CDK5RAP1: variants seen among roughly 807,000 people sequenced by gnomAD.
CDK5RAP1 encodes the protein mitochondrial tRNA methylthiotransferase CDK5RAP1.
A neutral mutation model predicts 64.5 loss-of-function variants in CDK5RAP1; 62 were observed. That is an observed-to-expected ratio of 0.96 (90% CI 0.78 to 1.19). CDK5RAP1 has a LOEUF of 1.19. CDK5RAP1 is among the 50% of genes most tolerant of loss of function. The probability of loss-of-function intolerance (pLI) is 0.00; values close to 1 mark genes in which losing one functional copy is unlikely to be tolerated. For missense variants in CDK5RAP1, 657 were observed against 735.0 expected, an observed-to-expected ratio of 0.89 and a Z score of 1.23; for synonymous variants, 250 against 261.9, an observed-to-expected ratio of 0.95 and a Z score of 0.44.
intron 11 of CDK5RAP1, among the ~76,000 whole-genome samples, chr20:33,369,540 T>G (rs1447297961): frequency 1.3e-5 from 2 of 151,784 alleles, no homozygotes; most frequent in African/African-American, 4.8e-5. Flanking sequence ...AAGCTTCATC[T>G]CTCCAAAACA....
chr20:33,394,330 T>G (rs1988671299), intron 3 of CDK5RAP1, among the ~76,000 whole-genome samples: 1 of 151,952 alleles, frequency 6.6e-6, no homozygotes, highest in East Asian at 1.9e-4. Flanking sequence ...TTTTGTATTT[T>G]TAGTAGAGAT....
rs79540948 is a variant in CDK5RAP1 at position 33,399,245 on chromosome 20, T to G, written c.-20-2161A>C. On this transcript the variant is annotated intron_variant, in intron 1 of 13. Transcript: ENST00000346416. ...ACTGGACCCCACATCTATGGCCTACTACACTCCAGCCATGCCACACTTCTT... is the reference window on the plus strand; with the variant it reads ...ACTGGACCCCACATCTATGGCCTACGACACTCCAGCCATGCCACACTTCTT... Among the ~76,000 whole-genome samples the G allele has an allele frequency of 6.6e-5, 10 of 152,098 alleles. No homozygotes were observed. The South Asian group carries it at 8.3e-4, about 13-fold the overall frequency.
chr20:33,389,406 A>G (rs1987989231), intron 5 of CDK5RAP1, among the ~76,000 whole-genome samples: 1 of 149,086 alleles, frequency 6.7e-6, no homozygotes, highest in Non-Finnish European at 1.5e-5. Flanking sequence ...CCGTCTGAGA[A>G]GTGAGGAGCC....
chr20:33,399,704 A>C (rs1989217937), intron 1 of CDK5RAP1, among the ~76,000 whole-genome samples: 1 of 152,116 alleles, frequency 6.6e-6, no homozygotes, highest in Non-Finnish European at 1.5e-5. Flanking sequence ...AAACTGTTCC[A>C]CCTCAGGCAT....
intron 4 of CDK5RAP1, among the ~76,000 whole-genome samples, chr20:33,392,885 C>T (rs1036720121): frequency 2.7e-5 from 4 of 146,526 alleles, no homozygotes; most frequent in Non-Finnish European, 6.1e-5. Context: ...AGCAATTTCT[C>T]CTTTTTTTTT....
intron 13 of CDK5RAP1, 88 bp from the exon 14 acceptor site, chr20:33,359,211 A>G (rs1057475393): frequency 3.0e-6 from 3 of 1,000,608 alleles, no homozygotes; most frequent in African/African-American, 3.2e-5. Context: ...GAAGCCCCCA[A>G]AAGGAATCTG....
At chr20:33,380,287 G>A (rs1986570093) in intron 7 of CDK5RAP1, among the ~76,000 whole-genome samples, 1 of 152,182 alleles carries the variant, frequency 6.6e-6, no homozygotes, top group African/African-American at 2.4e-5. Flanking sequence ...GAGTGCAGCA[G>A]CACGATCATA....
chr20:33,379,778 T>G (rs1471579115), intron 7 of CDK5RAP1, 87 bp from the exon 8 acceptor site: 10 of 985,380 alleles, frequency 1.0e-5, no homozygotes, highest in Admixed American at 2.5e-5. Flanking sequence ...GAAATTAACA[T>G]ATCTTTTGTT....
In CDK5RAP1 at chr20:33,396,858, T is replaced by C; in HGVS notation, c.207A>G (p.Leu69=). Residue 69 remains leucine, a synonymous_variant, in exon 2 of 14, where the codon TTA becomes TTG. Coordinates refer to ENST00000346416, the MANE Select transcript of CDK5RAP1 (RefSeq NM_016408.4). ...LAAGPTFQHF[L]KSASAPQEKL... is the part of the protein sequence containing the mutation. ...TCTCCTGAGGAGCTGAGGCACTTTT[T>C]AAAAAATGTTGAAAAGTCGGTCCAG... is the stretch of plus-strand genomic sequence containing the variant. 1 of 1,614,138 alleles carries C rather than the reference T, an allele frequency of 6.2e-7. No homozygotes were observed. The highest frequency in any genetic ancestry group is 1.1e-5 in the South Asian group (1 of 91,086).
At chr20:33,383,860 C>T (rs988102366) in intron 7 of CDK5RAP1, among the ~76,000 whole-genome samples, 2 of 150,018 alleles carry the variant, frequency 1.3e-5, no homozygotes, top group Admixed American at 6.7e-5. Flanking sequence ...TGCAGTGAGC[C>T]GAGATCATAC....
intron 5 of CDK5RAP1, among the ~76,000 whole-genome samples, chr20:33,388,527 C>A (rs1987761896): frequency 1.0e-5 from 1 of 97,332 alleles, no homozygotes; most frequent in Non-Finnish European, 2.1e-5. Context: ...TCTCCCTCTC[C>A]CTCTCCCCCT....
chr20:33,383,258 G>C (rs1302434660), intron 7 of CDK5RAP1, among the ~76,000 whole-genome samples: 1 of 152,036 alleles, frequency 6.6e-6, no homozygotes, highest in East Asian at 1.9e-4. Context: ...TTTTAGAGAT[G>C]CATACTGAAG....
Position 33,387,337 on chromosome 20 carries a change from G to A in CDK5RAP1, c.741C>T (p.Ala247=), listed in dbSNP as rs761476987. Residue 247 remains alanine (A), a synonymous_variant, in exon 6 of 14, where the codon GCC becomes GCT. Coordinates refer to ENST00000346416, the MANE Select transcript of CDK5RAP1 (RefSeq NM_016408.4). ...DVMPVQTSAS[A]TSAFVSIMRG... ...CAGTGACTCACACAAAGGCAGACGT[G>A]GCACTGGCGCTTGTCTGGACTGGCA... is the stretch of plus-strand genomic sequence containing the variant. 6.2e-7 allele frequency: 1 copy of A among 1,613,518 alleles called. No homozygotes were observed. Among genetic ancestry groups the A allele is most frequent in the South Asian group, 1.1e-5 (1 of 91,062 alleles).
intron 10 of CDK5RAP1, among the ~76,000 whole-genome samples, chr20:33,371,144 T>C (rs1298444797): frequency 6.6e-6 from 1 of 151,760 alleles, no homozygotes; most frequent in East Asian, 2.0e-4. Context: ...AATACAAAAA[T>C]TGACCAGGCA....
intron 2 of CDK5RAP1, 112 bp downstream of exon 2, chr20:33,396,649 C>G (rs1455432130): frequency 3.8e-6 from 3 of 795,374 alleles, no homozygotes; most frequent in Middle Eastern, 3.9e-4. Context: ...ATTCCCACAG[C>G]CTTCCCACAC....
At chr20:33,378,884 A>G (rs900564075) in intron 8 of CDK5RAP1, among the ~76,000 whole-genome samples, 6 of 152,094 alleles carry the variant, frequency 3.9e-5, no homozygotes, top group Non-Finnish European at 5.9e-5. Flanking sequence ...CTCTCTGTAC[A>G]GCCCTCACGG....
In CDK5RAP1 at chr20:33,396,767, T is replaced by G; in HGVS notation, c.298A>C (p.Arg100=). ...TAAGCGAAGTAAAACCAACCTTTTC[T>G]CTGCCTTCCAAGAAGTTCATCCATC... ...LMMDELLGRQ[R]KVYLETYGCQ... The change falls in exon 2 of 14, where the codon AGA becomes CGA. Residue 100 remains arginine, a synonymous_variant. Coordinates refer to ENST00000346416, the MANE Select transcript of CDK5RAP1 (RefSeq NM_016408.4). 1 of 1,611,964 alleles carries G rather than the reference T, an allele frequency of 6.2e-7. No individual in the cohort carries two copies. Among genetic ancestry groups the G allele is most frequent in the Non-Finnish European group, 8.5e-7 (1 of 1,178,610 alleles).
chr20:33,397,922 G>A (rs1190405068), intron 1 of CDK5RAP1, among the ~76,000 whole-genome samples: 3 of 152,000 alleles, frequency 2.0e-5, no homozygotes, highest in Non-Finnish European at 2.9e-5. Context: ...AACCCAGGAA[G>A]CAGAAGTTGC....
intron 11 of CDK5RAP1, 47 bp downstream of exon 11, chr20:33,370,452 C>T (rs1193604388): frequency 6.2e-7 from 1 of 1,608,040 alleles, no homozygotes; most frequent in Admixed American, 1.7e-5. Context: ...TCACCACCCC[C>T]AAACTGGTCA....
Sources: allele counts gnomAD v4.1 joint callset (sites outside exome capture counted in the v4.1 genomes callset), GRCh38; gene constraint gnomAD v4.1.1; transcripts MANE v1.5; gene names NCBI Gene and HGNC (gene_info 2026-07-23, HGNC 2026-07-21).